Variants in APOBEC3C observed in about 807,000 individuals in gnomAD.
APOBEC3C encodes DNA dC->dU-editing enzyme APOBEC-3C.
Under a neutral mutation model 20.6 loss-of-function variants are expected in APOBEC3C, and 14 were observed. The ratio of observed to expected loss-of-function variants is 0.68; its 90% CI spans 0.45 to 1.06. The LOEUF is 1.06. APOBEC3C is among the 50% of genes least tolerant of loss of function. The pLI is 0.00. For synonymous variants in APOBEC3C, 98 were observed against 88.8 expected (o/e 1.10, Z -0.58); for missense variants, 244 against 241.9 (o/e 1.01, Z -0.06).
Position 39,014,377 on chromosome 22 carries a change from C to A in APOBEC3C, c.15C>A (p.Ile5=). The A allele has an allele frequency of 6.2e-7, 1 of 1,614,174 alleles. No homozygotes were observed. The change falls in exon 1 of 4, where the codon ATC becomes ATA. Residue 5 remains isoleucine, a splice_region_variant and synonymous_variant. Coordinates refer to ENST00000361441, the MANE Select transcript of APOBEC3C (RefSeq NM_014508.3). Reference sequence around the variant, plus strand: ...AGAGGCTGAACATGAATCCACAGATCAGGTACCTCTGCACGCTTTGTCCGC... The same window carrying A: ...AGAGGCTGAACATGAATCCACAGATAAGGTACCTCTGCACGCTTTGTCCGC... The part of the protein sequence containing the change: MNPQ[I]RNPMKAMYPG...
chr22:39,017,847 T>C lies in APOBEC3C; in HGVS notation c.256T>C (p.Tyr86His). 1 of 1,614,114 alleles carries C rather than the reference T, an allele frequency of 6.2e-7. No homozygotes were observed. The change falls in exon 3 of 4, where the codon TAC becomes CAC. Residue 86 changes from tyrosine (Y) to histidine (H), a missense_variant. Tyr to His is a moderately conservative substitution (Grantham distance 83, BLOSUM62 2). Transcript: ENST00000361441. Reference protein sequence around the residue: ...CDDILSPNTKYQVTWYTSWSP... With the variant: ...CDDILSPNTKHQVTWYTSWSP... ...CGACATACTGTCTCCTAACACAAAG[T>C]ACCAGGTCACCTGGTACACATCTTG...
chr22:39,017,976 C>A lies in APOBEC3C; in HGVS notation c.385C>A (p.Pro129Thr). 6.2e-7 allele frequency: 1 copy of A among 1,614,180 alleles called. No individual in the cohort carries two copies. Among genetic ancestry groups the A allele is most frequent in the Non-Finnish European group, 8.5e-7 (1 of 1,180,042 alleles). The change falls in exon 3 of 4, where the codon CCA (proline) becomes ACA (threonine). Residue 129 changes from proline (P) to threonine (T), a missense_variant. Transcript: ENST00000361441. ...FTARLYYFQY[P>T]CYQEGLRSLS... Reference sequence around the variant, plus strand: ...CGCCCGCCTCTACTACTTCCAGTATCCATGTTACCAGGAGGGGCTCCGCAG... The same window carrying A: ...CGCCCGCCTCTACTACTTCCAGTATACATGTTACCAGGAGGGGCTCCGCAG...
Position 39,017,888 on chromosome 22 carries a change from C to T in APOBEC3C, c.297C>T (p.Asp99=), listed in dbSNP as rs143646385. 4.3e-4 allele frequency: 699 copies of T among 1,614,226 alleles called. 1 individual carries two copies. The highest frequency in any genetic ancestry group is 5.7e-4 in the Non-Finnish European group (667 of 1,180,036). The change falls in exon 3 of 4, where the codon GAC becomes GAT. Residue 99 remains aspartate, a synonymous_variant. Coordinates refer to ENST00000361441, the MANE Select transcript of APOBEC3C (RefSeq NM_014508.3). The part of the protein sequence containing the change: ...TWYTSWSPCP[D]CAGEVAEFLA... ...ACACATCTTGGAGCCCTTGCCCAGA[C>T]TGTGCAGGGGAGGTGGCCGAGTTCC... is the stretch of plus-strand genomic sequence containing the variant.
chr22:39,015,684 G>A lies in APOBEC3C; in HGVS notation c.107G>A (p.Cys36Tyr), dbSNP rs755535996. ...AACGATCGGAACGAAACTTGGCTGT[G>A]CTTCACCGTGGAAGGTATAAAGCGC... ...EANDRNETWL[C>Y]FTVEGIKRRS... Residue 36 changes from cysteine (C) to tyrosine (Y), a missense_variant, in exon 2 of 4, where the codon TGC (cysteine) becomes TAC (tyrosine). Cys to Tyr is a radical substitution (Grantham distance 194). Coordinates refer to ENST00000361441, the MANE Select transcript of APOBEC3C (RefSeq NM_014508.3). 2 of 1,614,152 alleles carry A rather than the reference G, an allele frequency of 1.2e-6. No homozygotes were observed. The highest frequency in any genetic ancestry group is 3.3e-5 in the Admixed American group (2 of 60,008).
chr22:39,015,311 A>T (rs1924739732), intron 1 of APOBEC3C, among the ~76,000 whole-genome samples: 1 of 149,204 alleles, frequency 6.7e-6, no homozygotes, highest in East Asian at 1.9e-4. Flanking sequence ...AAAAAAAAAA[A>T]GTAGCAGAAA....
Position 39,014,277 on chromosome 22 carries a change from A to G in APOBEC3C, c.-86A>G, listed in dbSNP as rs1924703434. 1 of 1,571,220 alleles carries G rather than the reference A, an allele frequency of 6.4e-7. No individual in the cohort carries two copies. Among genetic ancestry groups the G allele is most frequent in the Non-Finnish European group, 8.8e-7 (1 of 1,141,126 alleles). Reference sequence around the variant, plus strand: ...AGGTCACTTTAAAGAGGGCTGCTCAACTGCAAGGACGCTGTAAGCAGGAAG... The same window carrying G: ...AGGTCACTTTAAAGAGGGCTGCTCAGCTGCAAGGACGCTGTAAGCAGGAAG... On this transcript the variant is annotated 5_prime_UTR_variant, in exon 1 of 4. Coordinates refer to ENST00000361441, the MANE Select transcript of APOBEC3C (RefSeq NM_014508.3).
chr22:39,015,873 T>TC, intron 2 of APOBEC3C, 122 bp downstream of exon 2: 1 of 820,552 alleles, frequency 1.2e-6, no homozygotes, highest in Non-Finnish European at 1.7e-6. Flanking sequence ...GCCACATTTC[T>TC]ATTTTTTTTT....
Position 39,019,778 on chromosome 22 carries a change from T to A in APOBEC3C, c.*1391T>A, listed in dbSNP as rs1273569004. ...TCTATGCACACGCACCTCTGGGATC[T>A]CTCTGCCTCCAAATATCATCTTTTT... On this transcript the variant is annotated 3_prime_UTR_variant, in exon 4 of 4. Coordinates refer to ENST00000361441, the MANE Select transcript of APOBEC3C (RefSeq NM_014508.3). 1 of 149,508 alleles carries A rather than the reference T, an allele frequency of 6.7e-6. No homozygotes were observed. Among genetic ancestry groups the A allele is most frequent in the African/African-American group, 2.5e-5 (1 of 40,406 alleles). The allele number at this position is 149,508 out of a possible 1,614,324, so 9.3% of individuals were successfully genotyped here. A position where few individuals can be genotyped will look rare whatever the true frequency, so the allele number is the denominator to read the frequency against.
At position 39,018,369 on chromosome 22, in the gene APOBEC3C, A is replaced by T. The variant is rs976506861; in HGVS notation, c.555A>T (p.Leu185=). Residue 185 remains leucine, a synonymous_variant, in exon 4 of 4, where the codon CTA becomes CTT. Transcript: ENST00000361441. ...KTNFRLLKRR[L]RESLQ is the part of the protein sequence containing the mutation. ...ACTTTCGACTTCTGAAAAGAAGGCT[A>T]CGGGAGAGTCTCCAGTGAGGGGTCT... 1.2e-6 allele frequency: 2 copies of T among 1,614,036 alleles called. No individual in the cohort carries two copies. Among genetic ancestry groups the T allele is most frequent in the Middle Eastern group, 1.6e-4 (1 of 6,062 alleles).
At chr22:39,014,978 G>GA (rs142106761) in intron 1 of APOBEC3C, among the ~76,000 whole-genome samples, 11,959 of 151,950 alleles carry the variant, frequency 0.079, 670 homozygotes, top group Middle Eastern at 0.13. Context: ...TGGAGTGTAG[G>GA]AAAAAATATG....
chr22:39,016,460 G>A (rs1315085906), intron 2 of APOBEC3C, among the ~76,000 whole-genome samples: 2 of 137,918 alleles, frequency 1.5e-5, no homozygotes, highest in African/African-American at 2.8e-5. Context: ...CTCATGATCC[G>A]CCCGCCTTGG....
At chr22:39,018,096 G>A in intron 3 of APOBEC3C, 51 bp downstream of exon 3, 1 of 1,600,426 alleles carries the variant, frequency 6.2e-7, no homozygotes, top group African/African-American at 1.3e-5. Flanking sequence ...CAGCATGAGG[G>A]GCAGATGGTT....
At position 39,015,600 on chromosome 22, in the gene APOBEC3C, C is replaced by A. The variant is rs367840996; in HGVS notation, c.23C>A (p.Pro8Gln). 2.5e-6 allele frequency: 4 copies of A among 1,613,562 alleles called. No individual in the cohort carries two copies. In the African/African-American group the frequency reaches 5.3e-5, roughly 22 times the overall value. The stretch of plus-strand genomic sequence containing the variant: ...TTTCTCTCTTGTGCCTTCAGAAACC[C>A]GATGAAGGCAATGTATCCAGGCACA... MNPQIRN[P>Q]MKAMYPGTFY... is the part of the protein sequence containing the mutation. Residue 8 changes from proline to glutamine, a missense_variant, in exon 2 of 4, where the codon CCG (proline) becomes CAG (glutamine). Coordinates refer to ENST00000361441, the MANE Select transcript of APOBEC3C (RefSeq NM_014508.3).
At chr22:39,016,836 C>T (rs1468923622) in intron 2 of APOBEC3C, among the ~76,000 whole-genome samples, 2 of 152,172 alleles carry the variant, frequency 1.3e-5, no homozygotes, top group Non-Finnish European at 2.9e-5. Context: ...AGAGCCAGGC[C>T]ATAGCAGGGG....
At position 39,020,106 on chromosome 22, in the gene APOBEC3C, G is replaced by C. The variant is rs1003003154; in HGVS notation, c.*1719G>C. The C allele has an allele frequency of 2.6e-5, 4 of 152,110 alleles. No homozygotes were observed. Among genetic ancestry groups the C allele is most frequent in the African/African-American group, 9.7e-5 (4 of 41,426 alleles). 9.4% of individuals were successfully genotyped at this position (152,110 alleles called of 1,614,324 possible). A position where few individuals can be genotyped will look rare whatever the true frequency, so the allele number is the denominator to read the frequency against. On this transcript the variant is annotated 3_prime_UTR_variant, in exon 4 of 4. Transcript: ENST00000361441. ...CCACTATGCCCGGCTGGGATCATAT[G>C]TTCCACACATGTTTGTTCAATAAGC...
chr22:39,016,358 C>A (rs1295303491), intron 2 of APOBEC3C, among the ~76,000 whole-genome samples: 2 of 148,680 alleles, frequency 1.3e-5, no homozygotes, highest in Non-Finnish European at 3.0e-5. Flanking sequence ...CACCACCATG[C>A]CCAGCTAATT....
chr22:39,017,156 T>C (rs1356755023), intron 2 of APOBEC3C, among the ~76,000 whole-genome samples: 2 of 151,824 alleles, frequency 1.3e-5, no homozygotes, highest in Non-Finnish European at 2.9e-5. Flanking sequence ...TGCTTGAACC[T>C]GGGAGGCAGA....
rs1924749461 is a variant in APOBEC3C, at chr22:39,015,593, A to G, written c.18-2A>G. 1.2e-6 allele frequency: 2 copies of G among 1,613,714 alleles called. No individual in the cohort carries two copies. Among genetic ancestry groups the G allele is most frequent in the Middle Eastern group, 1.7e-4 (1 of 6,056 alleles). ...ATTGGGGTTTCTCTCTTGTGCCTTC[A>G]GAAACCCGATGAAGGCAATGTATCC... On this transcript the variant is annotated splice_acceptor_variant, in intron 1 of 3. Coordinates refer to ENST00000361441, the MANE Select transcript of APOBEC3C (RefSeq NM_014508.3). LOFTEE classifies it high-confidence loss of function.
chr22:39,017,095 G>A (rs1924809190), intron 2 of APOBEC3C, among the ~76,000 whole-genome samples: 1 of 152,124 alleles, frequency 6.6e-6, no homozygotes, highest in African/African-American at 2.4e-5. Context: ...AGCCAGGTGT[G>A]GGGGTGCATG....
Sources: gnomAD v4.1 joint callset for allele counts (sites outside exome capture counted in the v4.1 genomes callset) on GRCh38, gnomAD v4.1.1 for gene constraint, MANE v1.5 for transcripts, NCBI Gene and HGNC (gene_info 2026-07-23, HGNC 2026-07-21) for gene names.